Variants in BRINP3 observed in about 807,000 individuals in gnomAD.
The protein encoded by BRINP3 is BMP/retinoic acid-inducible neural-specific protein 3.
Under a neutral mutation model 71.0 loss-of-function variants are expected in BRINP3, and 19 were observed. The ratio of observed to expected loss-of-function variants is 0.27; its 90% CI spans 0.19 to 0.39. BRINP3 has a LOEUF of 0.39. BRINP3 is among the 10% of genes least tolerant of loss of function. The pLI, the probability that BRINP3 is intolerant of heterozygous loss-of-function variation, is 1.00. For missense variants in BRINP3, 959 were observed against 940.8 expected, an observed-to-expected ratio of 1.02 and a Z score of -0.25; for synonymous variants, 380 against 337.7, an observed-to-expected ratio of 1.13 and a Z score of -1.37.
intron 7 of BRINP3, among the ~76,000 whole-genome samples, chr1:190,151,119 C>T (rs935021443): frequency 2.0e-5 from 3 of 151,914 alleles, no homozygotes; most frequent in African/African-American, 7.3e-5. Context: ...TGCACTCCAT[C>T]CTGGGTGACA....
Position 190,262,104 on chromosome 1 carries a change from A to G in BRINP3, c.618+2761T>C, listed in dbSNP as rs148869786. Among the ~76,000 whole-genome samples the G allele has an allele frequency of 9.2e-5, 14 of 152,338 alleles. No homozygotes were observed. In the East Asian group the frequency reaches 2.5e-3, roughly 27 times the overall value. The stretch of plus-strand genomic sequence containing the variant: ...AGATACTCTCCATACAAAATTGCAC[A>G]GACACATCAGTGTTCATGTAACTCA... On this transcript the variant is annotated intron_variant, in intron 4 of 7. Transcript: ENST00000367462.
intron 6 of BRINP3, among the ~76,000 whole-genome samples, chr1:190,173,620 A>C (rs1451296533): frequency 1.3e-5 from 2 of 152,124 alleles, no homozygotes; most frequent in Non-Finnish European, 2.9e-5. Context: ...TATCTCAAGA[A>C]CCCTTTACAT....
intron 4 of BRINP3, among the ~76,000 whole-genome samples, chr1:190,235,196 C>T (rs1462689770): frequency 6.6e-6 from 1 of 152,006 alleles, no homozygotes; most frequent in Non-Finnish European, 1.5e-5. Flanking sequence ...TTTACCATTT[C>T]CATCCAATTT....
At chr1:190,414,512 G>C (rs1052870461) in intron 2 of BRINP3, among the ~76,000 whole-genome samples, 1 of 152,160 alleles carries the variant, frequency 6.6e-6, no homozygotes, top group Non-Finnish European at 1.5e-5. Flanking sequence ...ACTGTTTTCT[G>C]TCTTTGTATT....
At chr1:190,181,772 C>G (rs769067096) in intron 6 of BRINP3, among the ~76,000 whole-genome samples, 5 of 151,854 alleles carry the variant, frequency 3.3e-5, no homozygotes, top group Admixed American at 2.6e-4. Context: ...CTTTGGCCAC[C>G]AAACGTAATT....
At chr1:190,134,218 A>G (rs1294634171) in intron 7 of BRINP3, among the ~76,000 whole-genome samples, 2 of 152,068 alleles carry the variant, frequency 1.3e-5, no homozygotes, top group African/African-American at 4.8e-5. Context: ...TGATATTTCA[A>G]CTGAAAGCCA....
At chr1:190,448,880 T>C (rs189390774) in intron 2 of BRINP3, among the ~76,000 whole-genome samples, 59 of 151,962 alleles carry the variant, frequency 3.9e-4, no homozygotes, top group Non-Finnish European at 7.8e-4. Flanking sequence ...ATTTTCAAAA[T>C]ACACATGAAG....
chr1:190,332,965 A>T (rs1667063375), intron 2 of BRINP3, among the ~76,000 whole-genome samples: 1 of 151,742 alleles, frequency 6.6e-6, no homozygotes, highest in Non-Finnish European at 1.5e-5. Flanking sequence ...TTTATTTCAC[A>T]TCTGTTTTGC....
chr1:190,311,569 G>C (rs963616174), intron 2 of BRINP3, among the ~76,000 whole-genome samples: 3 of 151,620 alleles, frequency 2.0e-5, no homozygotes, highest in African/African-American at 7.2e-5. Flanking sequence ...TTTGATCATA[G>C]AATCTGGGAA....
intron 2 of BRINP3, among the ~76,000 whole-genome samples, chr1:190,354,048 G>A (rs1668572938): frequency 1.3e-5 from 2 of 151,818 alleles, no homozygotes; most frequent in Admixed American, 1.3e-4. Flanking sequence ...ACTCTGTCTT[G>A]GCTTACTGAT....
At chr1:190,208,379 T>C (rs1320113860) in intron 6 of BRINP3, among the ~76,000 whole-genome samples, 2 of 152,096 alleles carry the variant, frequency 1.3e-5, no homozygotes, top group Non-Finnish European at 2.9e-5. Flanking sequence ...CATGCAGAGA[T>C]ATTAAGAGAT....
At chr1:190,158,058 T>G (rs1384507678) in intron 7 of BRINP3, among the ~76,000 whole-genome samples, 1 of 152,136 alleles carries the variant, frequency 6.6e-6, no homozygotes, top group Non-Finnish European at 1.5e-5. Context: ...TGGGAACTGA[T>G]ATAGTTTGGC....
chr1:190,430,044 A>G (rs1054596422), intron 2 of BRINP3, among the ~76,000 whole-genome samples: 1 of 152,168 alleles, frequency 6.6e-6, no homozygotes, highest in Admixed American at 6.6e-5. Context: ...CTTTCTTGAC[A>G]TTTGAAGGTT....
At chr1:190,344,358 T>C (rs1667872314) in intron 2 of BRINP3, among the ~76,000 whole-genome samples, 1 of 151,862 alleles carries the variant, frequency 6.6e-6, no homozygotes, top group Non-Finnish European at 1.5e-5. Flanking sequence ...AGTTAGAAAG[T>C]ACTAAACTTG....
chr1:190,227,264 T>C (rs1431164169), intron 5 of BRINP3, among the ~76,000 whole-genome samples: 1 of 151,862 alleles, frequency 6.6e-6, no homozygotes, highest in East Asian at 1.9e-4. Flanking sequence ...TTGACTATTA[T>C]CTTAGAGGTT....
chr1:190,419,801 T>G (rs1673249348), intron 2 of BRINP3, among the ~76,000 whole-genome samples: 1 of 151,448 alleles, frequency 6.6e-6, no homozygotes, highest in African/African-American at 2.4e-5. Context: ...ACACAGAATG[T>G]TAAAGCAAAA....
intron 2 of BRINP3, among the ~76,000 whole-genome samples, chr1:190,393,192 T>A (rs1671358457): frequency 6.6e-6 from 1 of 151,690 alleles, no homozygotes; most frequent in Non-Finnish European, 1.5e-5. Context: ...CACATTTACA[T>A]GTATGCATAT....
intron 3 of BRINP3, among the ~76,000 whole-genome samples, chr1:190,271,438 T>C (rs1662102560): frequency 6.6e-6 from 1 of 151,672 alleles, no homozygotes; most frequent in African/African-American, 2.4e-5. Flanking sequence ...GTAATATCAC[T>C]GGAATCTAGT....
chr1:190,177,291 T>C (rs1470234352), intron 6 of BRINP3, among the ~76,000 whole-genome samples: 3 of 149,542 alleles, frequency 2.0e-5, no homozygotes, highest in Non-Finnish European at 4.4e-5. Flanking sequence ...GTCTCCTGAG[T>C]AGCTGGGACT....
Sources: allele counts gnomAD v4.1 joint callset (sites outside exome capture counted in the v4.1 genomes callset), GRCh38; gene constraint gnomAD v4.1.1; transcripts MANE v1.5; gene names NCBI Gene and HGNC (gene_info 2026-07-23, HGNC 2026-07-21).